The following NPHP4 variants were observed in gnomAD, a reference collection of about 807,000 sequenced individuals.
NPHP4 encodes nephrocystin-4.
In NPHP4, 151 loss-of-function variants were observed where a neutral mutation model predicts 155.8. The observed-to-expected ratio is 0.97, with a 90% CI of 0.85 to 1.11. The LOEUF (loss-of-function observed/expected upper bound fraction) is 1.11, where lower values mean the gene tolerates loss of function less well. Among genes scored for constraint, NPHP4 ranks in the 50% least tolerant of loss-of-function variants. The pLI is 0.00. For missense variants in NPHP4, 1,956 were observed against 1,925.7 expected (o/e 1.02, Z -0.29); for synonymous variants, 845 against 816.8 (o/e 1.03, Z -0.59).
chr1:5,921,341 TTC>T (rs1324487477), intron 11 of NPHP4, among the ~76,000 whole-genome samples: 1 of 152,264 alleles, frequency 6.6e-6, no homozygotes, highest in Admixed American at 6.5e-5. Flanking sequence ...GAACCGGTTG[TTC>T]TCTCTAACAG....
chr1:5,863,453 C>T (rs201937221), intron 29 of NPHP4, 48 bp from the exon 30 acceptor site: 105 of 1,598,438 alleles, frequency 6.6e-5, no homozygotes, highest in Middle Eastern at 1.7e-4. Context: ...GGCTGTCCCA[C>T]GCTCTCACCA....
intron 16 of NPHP4, among the ~76,000 whole-genome samples, chr1:5,903,322 T>C (rs986474014): frequency 2.0e-5 from 3 of 152,228 alleles, no homozygotes; most frequent in African/African-American, 7.2e-5. Flanking sequence ...TTCTTGGTTA[T>C]TGTTTACCAG....
chr1:5,870,647 G>A (rs1219199545), intron 23 of NPHP4, among the ~76,000 whole-genome samples: 1 of 152,228 alleles, frequency 6.6e-6, no homozygotes, highest in Non-Finnish European at 1.5e-5. Context: ...AAAAAAGCAT[G>A]GCAGATGTCA....
chr1:5,942,129 G>A (rs966065715), intron 9 of NPHP4, among the ~76,000 whole-genome samples: 1 of 152,126 alleles, frequency 6.6e-6, no homozygotes, highest in African/African-American at 2.4e-5. Flanking sequence ...TGGGACCCAA[G>A]GACTGCCCCT....
rs374437027 is a variant in NPHP4 at position 5,895,481 on chromosome 1, C to T, written c.2144-4453G>A. On this transcript the variant is annotated intron_variant, in intron 16 of 29. Transcript: ENST00000378156. ...CGCCACTGCACTCCAGCTTGGGCAA[C>T]AGAGTAAGACTTCGTTTCAAACAGA... Among the ~76,000 whole-genome samples, 19 of 152,228 alleles carry T rather than the reference C, an allele frequency of 1.2e-4. No homozygotes were observed. The East Asian group carries it at 1.9e-3, about 15-fold the overall frequency.
intron 9 of NPHP4, among the ~76,000 whole-genome samples, chr1:5,940,791 A>G (rs535253773): frequency 4.5e-4 from 69 of 152,334 alleles, no homozygotes; most frequent in Non-Finnish European, 8.7e-4. Flanking sequence ...CCTGAAAGAC[A>G]CAAAAATAGA....
intron 13 of NPHP4, among the ~76,000 whole-genome samples, chr1:5,906,541 G>A (rs1411843624): frequency 6.6e-6 from 1 of 152,358 alleles, no homozygotes; most frequent in East Asian, 1.9e-4. Context: ...TGCTAGGAGT[G>A]TTTTCAAACA....
rs776458747 is a variant in NPHP4 at position 5,904,581 on chromosome 1, G to T, written c.2143+36C>A. 3.3e-6 allele frequency: 5 copies of T among 1,522,004 alleles called. No individual in the cohort carries two copies. In the East Asian group the frequency reaches 9.1e-5, roughly 28 times the overall value. The allele number at this position is 1,522,004 out of a possible 1,614,324, so 94.3% of individuals were successfully genotyped here. On this transcript the variant is annotated intron_variant, in intron 16 of 29. Transcript: ENST00000378156. ...CAATTTACACACACAACTCAGTACA[G>T]AATGTCTTGCCTTTGCCATGCACAT...
chr1:5,937,646 C>T (rs185647370), intron 9 of NPHP4, among the ~76,000 whole-genome samples: 3 of 152,242 alleles, frequency 2.0e-5, no homozygotes, highest in Non-Finnish European at 4.4e-5. Flanking sequence ...CGCCAAGCAG[C>T]GCACTCACGC....
chr1:5,939,098 A>C (rs1646693132), intron 9 of NPHP4, among the ~76,000 whole-genome samples: 2 of 152,248 alleles, frequency 1.3e-5, no homozygotes, highest in Non-Finnish European at 2.9e-5. Context: ...AAGCTGCCGC[A>C]GGATAAACAT....
At chr1:5,898,034 C>A (rs1644479802) in intron 16 of NPHP4, among the ~76,000 whole-genome samples, 3 of 152,212 alleles carry the variant, frequency 2.0e-5, no homozygotes, top group African/African-American at 7.2e-5. Context: ...CAAGGCTGTG[C>A]TAGGTGGCCC....
chr1:5,964,087 G>A lies in NPHP4; in HGVS notation c.518-2138C>T, dbSNP rs553679680. ...GAAACACCACAGAGCTGTAAAAAGAGTGAGTGCTTTCTGTGTACTGATAGG... is the reference window on the plus strand; with the variant it reads ...GAAACACCACAGAGCTGTAAAAAGAATGAGTGCTTTCTGTGTACTGATAGG... On this transcript the variant is annotated intron_variant, in intron 5 of 29. Coordinates refer to ENST00000378156, the MANE Select transcript of NPHP4 (RefSeq NM_015102.5). Among the ~76,000 whole-genome samples, 30 of 152,336 alleles carry A rather than the reference G, an allele frequency of 2.0e-4. No homozygotes were observed. The South Asian group carries it at 6.2e-3, about 32-fold the overall frequency.
At chr1:5,986,431 TC>T (rs1655502312) in intron 1 of NPHP4, 104 bp from the exon 2 acceptor site, 1 of 949,218 alleles carries the variant, frequency 1.1e-6, no homozygotes, top group Non-Finnish European at 1.5e-6. Flanking sequence ...GGAACCTCCA[TC>T]CCCCAAACCC....
intron 18 of NPHP4, among the ~76,000 whole-genome samples, chr1:5,883,415 A>G (rs1464724689): frequency 6.6e-6 from 1 of 152,178 alleles, no homozygotes; most frequent in Non-Finnish European, 1.5e-5. Flanking sequence ...AGAAAGTGCC[A>G]CCAGCCCCAA....
chr1:5,972,827 C>T (rs1652822190), intron 3 of NPHP4, among the ~76,000 whole-genome samples: 2 of 151,932 alleles, frequency 1.3e-5, no homozygotes, highest in Non-Finnish European at 2.9e-5. Context: ...TGTGAGATTA[C>T]GGTGCACCCA....
chr1:5,949,343 T>TACACACACAC (rs140032819), intron 7 of NPHP4, among the ~76,000 whole-genome samples: 5,300 of 140,812 alleles, frequency 0.038, 319 homozygotes, highest in African/African-American at 0.12. Context: ...TTCACATACA[T>TACACACACAC]ACACACACAC....
chr1:5,967,949 A>G (rs4908628), intron 4 of NPHP4, among the ~76,000 whole-genome samples: 100,308 of 151,764 alleles, frequency 0.66, 33,098 homozygotes, highest in East Asian at 0.76. Context: ...CTTTAACCCT[A>G]GCTGAAAGGA....
At chr1:5,981,463 C>A (rs934018488) in intron 2 of NPHP4, among the ~76,000 whole-genome samples, 4 of 152,034 alleles carry the variant, frequency 2.6e-5, no homozygotes, top group Admixed American at 6.6e-5. Context: ...AAGCAATGAT[C>A]ATGGTAAAAT....
chr1:5,986,543 G>A (rs952772844), intron 1 of NPHP4, among the ~76,000 whole-genome samples: 4 of 152,098 alleles, frequency 2.6e-5, no homozygotes, highest in Non-Finnish European at 5.9e-5. Flanking sequence ...AAAAATAAAC[G>A]TAGATATATT....
Sources: gnomAD v4.1 joint callset for allele counts (sites outside exome capture counted in the v4.1 genomes callset) on GRCh38, gnomAD v4.1.1 for gene constraint, MANE v1.5 for transcripts, NCBI Gene and HGNC (gene_info 2026-07-23, HGNC 2026-07-21) for gene names.